The following AKAP7 variants were observed in gnomAD, a reference collection of about 807,000 sequenced individuals.
AKAP7 encodes the protein A kinase (PRKA) anchor protein 7.
In AKAP7, 39 loss-of-function variants were observed where a neutral mutation model predicts 39.5. The ratio of observed to expected loss-of-function variants is 0.99; its 90% CI spans 0.76 to 1.29. The LOEUF (loss-of-function observed/expected upper bound fraction) is 1.29. AKAP7 is among the 50% of genes most tolerant of loss of function. The pLI is 0.00. For synonymous variants in AKAP7, 140 were observed against 139.1 expected (o/e 1.01, Z -0.05); for missense variants, 414 against 407.7 (o/e 1.02, Z -0.13).
At chr6:131,245,359 C>T (rs948128787) in intron 7 of AKAP7, among the ~76,000 whole-genome samples, 1 of 151,578 alleles carries the variant, frequency 6.6e-6, no homozygotes, top group African/African-American at 2.4e-5. Flanking sequence ...ATTCTCCTGC[C>T]TCAGCATCCC....
chr6:131,164,439 T>C (rs749242217), intron 3 of AKAP7: 1 of 455,826 alleles, frequency 2.2e-6, no homozygotes, highest in South Asian at 1.6e-5. Flanking sequence ...GTGGACCAGG[T>C]CTGTGGGGAT....
chr6:131,142,123 TAAA>T (rs1801095640), intron 1 of AKAP7, among the ~76,000 whole-genome samples: 1 of 152,072 alleles, frequency 6.6e-6, no homozygotes, highest in Non-Finnish European at 1.5e-5. Context: ...AGGCTTGTGG[TAAA>T]GAAGCAAAAA....
intron 7 of AKAP7, among the ~76,000 whole-genome samples, chr6:131,237,628 G>C (rs1233122962): frequency 6.6e-6 from 1 of 152,158 alleles, no homozygotes; most frequent in African/African-American, 2.4e-5. Context: ...TCCTGGTTTA[G>C]TCTTGGGGGG....
intron 7 of AKAP7, chr6:131,250,118 C>A: frequency 1.0e-6 from 1 of 959,808 alleles, no homozygotes; most frequent in Non-Finnish European, 1.2e-6. Context: ...AAGTAGCAGA[C>A]AGAAAATATG....
chr6:131,193,286 G>C (rs1006440028), intron 5 of AKAP7, among the ~76,000 whole-genome samples: 1 of 151,944 alleles, frequency 6.6e-6, no homozygotes. Flanking sequence ...TTTTATGAAG[G>C]GATGTTGAAT....
At chr6:131,241,918 T>C in intron 7 of AKAP7, 3 of 415,666 alleles carry the variant, frequency 7.2e-6, no homozygotes, top group South Asian at 2.0e-4. Context: ...TGATTCAAGA[T>C]TGCATCTTCT....
At chr6:131,158,810 G>A (rs551377897) in intron 2 of AKAP7, among the ~76,000 whole-genome samples, 2 of 151,812 alleles carry the variant, frequency 1.3e-5, no homozygotes, top group South Asian at 2.1e-4. Flanking sequence ...CCCTGCAGGG[G>A]AACTGTATTT....
chr6:131,150,070 C>T (rs1044499475), intron 2 of AKAP7, among the ~76,000 whole-genome samples: 11 of 152,174 alleles, frequency 7.2e-5, no homozygotes, highest in Admixed American at 1.3e-4. Context: ...CCGCCCACCT[C>T]AGTCTCTTGA....
chr6:131,168,874 A>G (rs1803758164), intron 4 of AKAP7, among the ~76,000 whole-genome samples: 1 of 151,996 alleles, frequency 6.6e-6, no homozygotes, highest in African/African-American at 2.4e-5. Context: ...AATAGTGTCT[A>G]CTTTCATGTC....
chr6:131,134,075 G>A (rs1441779898), upstream of AKAP7, among the ~76,000 whole-genome samples: 4 of 152,074 alleles, frequency 2.6e-5, no homozygotes, highest in Non-Finnish European at 1.5e-5. Context: ...GGGCTCCAGC[G>A]ATCCTCCCAC....
intron 7 of AKAP7, among the ~76,000 whole-genome samples, chr6:131,232,012 A>G (rs948445495): frequency 6.6e-6 from 1 of 152,200 alleles, no homozygotes; most frequent in African/African-American, 2.4e-5. Context: ...AACTGAGAAA[A>G]TTAATCTTAG....
At chr6:131,140,127 T>G (rs1800904973) in intron 1 of AKAP7, among the ~76,000 whole-genome samples, 1 of 152,202 alleles carries the variant, frequency 6.6e-6, no homozygotes, top group Admixed American at 6.5e-5. Flanking sequence ...GGGGATCTTC[T>G]GGAGCAGTGG....
chr6:131,281,606 C>G lies in AKAP7; in HGVS notation c.927C>G (p.Leu309=), dbSNP rs2128341519. The G allele has an allele frequency of 6.2e-7, 1 of 1,613,418 alleles. No individual in the cohort carries two copies. Among genetic ancestry groups the G allele is most frequent in the Non-Finnish European group, 8.5e-7 (1 of 1,179,728 alleles). Residue 309 remains leucine, a synonymous_variant, in exon 8 of 8, where the codon CTC becomes CTG. Transcript: ENST00000431975. This position sits in a 1 kb window ranked among gnomAD's most constrained non-coding sequence, Gnocchi z 4.0. The part of the protein sequence containing the change: ...LSKRLVENAV[L]KAVQQYLEET... ...AGAGGCTGGTGGAGAACGCGGTGCT[C>G]AAGGCTGTCCAGCAGTATCTGGAGG...
intron 7 of AKAP7, among the ~76,000 whole-genome samples, chr6:131,271,078 T>C (rs1246629514): frequency 2.0e-5 from 3 of 152,204 alleles, no homozygotes; most frequent in Non-Finnish European, 4.4e-5. Context: ...TTGATGAAGT[T>C]CAATTTACCT....
At position 131,165,225 on chromosome 6, in the gene AKAP7, A is replaced by G. The variant is rs753599905; in HGVS notation, c.428+8A>G. 1 of 1,588,592 alleles carries G rather than the reference A, an allele frequency of 6.3e-7. No homozygotes were observed. Among genetic ancestry groups the G allele is most frequent in the South Asian group, 1.2e-5 (1 of 86,656 alleles). ...TGAAGATGAAGTAAACATGTGAGTA[A>G]TGTATCTTTCTTAAATATAATTTTC... On this transcript the variant is annotated splice_region_variant and intron_variant, in intron 4 of 7. Transcript: ENST00000431975.
intron 7 of AKAP7, among the ~76,000 whole-genome samples, chr6:131,278,285 C>A (rs1006502385): frequency 6.6e-6 from 1 of 152,126 alleles, no homozygotes; most frequent in Non-Finnish European, 1.5e-5. Flanking sequence ...ATAAATAATT[C>A]TCATAATTTG....
chr6:131,217,997 G>A (rs1247734546), intron 6 of AKAP7, among the ~76,000 whole-genome samples: 3 of 151,988 alleles, frequency 2.0e-5, no homozygotes, highest in Non-Finnish European at 4.4e-5. Flanking sequence ...ATGTTATCTC[G>A]AATGAAGTTA....
At chr6:131,214,492 T>C (rs1341798137) in intron 6 of AKAP7, among the ~76,000 whole-genome samples, 1 of 152,196 alleles carries the variant, frequency 6.6e-6, no homozygotes, top group Non-Finnish European at 1.5e-5. Context: ...CATATGGAAA[T>C]AAATAGCTGG....
chr6:131,186,159 G>C (rs1207002318), intron 5 of AKAP7, among the ~76,000 whole-genome samples: 1 of 152,146 alleles, frequency 6.6e-6, no homozygotes, highest in Admixed American at 6.5e-5. Flanking sequence ...TGTGGGAGGT[G>C]ATTGGATCAT....
Sources: gnomAD v4.1 joint callset for allele counts (sites outside exome capture counted in the v4.1 genomes callset) on GRCh38, gnomAD v4.1.1 for gene constraint, Gnocchi (gnomAD v3.1) non-coding constraint, MANE v1.5 for transcripts, NCBI Gene and HGNC (gene_info 2026-07-23, HGNC 2026-07-21) for gene names.